Variants in CTNNA2 observed in about 807,000 individuals in gnomAD.
CTNNA2 encodes the protein catenin alpha 2, also known as catenin alpha-2.
In CTNNA2, 42 loss-of-function variants were observed where a neutral mutation model predicts 101.0. The ratio of observed to expected loss-of-function variants is 0.42; its 90% CI spans 0.32 to 0.54. The LOEUF (loss-of-function observed/expected upper bound fraction) is 0.54. Ranked by LOEUF, CTNNA2 falls within the 20% of genes least tolerant of loss-of-function variation. The probability of loss-of-function intolerance (pLI) is 0.14; values close to 1 mark genes in which losing one functional copy is unlikely to be tolerated. For synonymous variants in CTNNA2, 450 were observed against 456.4 expected (o/e 0.99, Z 0.18); for missense variants, 871 against 1,223.1 (o/e 0.71, Z 4.29).
At chr2:80,550,032 C>T (rs183282239) in intron 11 of CTNNA2, among the ~76,000 whole-genome samples, 79 of 152,272 alleles carry the variant, frequency 5.2e-4, no homozygotes, top group African/African-American at 1.9e-3. Context: ...ATGTTCATGT[C>T]TATGTAAACA....
At chr2:79,581,813 A>G (rs2103907074) in intron 1 of CTNNA2, among the ~76,000 whole-genome samples, 1 of 152,368 alleles carries the variant, frequency 6.6e-6, no homozygotes, top group Admixed American at 6.5e-5. Flanking sequence ...AGTATTTCAA[A>G]TAAATGTTTT....
At chr2:79,964,495 A>C (rs1414949602) in intron 7 of CTNNA2, among the ~76,000 whole-genome samples, 2 of 152,108 alleles carry the variant, frequency 1.3e-5, no homozygotes, top group Non-Finnish European at 2.9e-5. Flanking sequence ...GTCTTTATGA[A>C]ATTTTTCTTT....
intron 3 of CTNNA2, among the ~76,000 whole-genome samples, chr2:79,842,705 T>G (rs1679917259): frequency 6.9e-6 from 1 of 144,732 alleles, no homozygotes; most frequent in Admixed American, 6.8e-5. Flanking sequence ...TTTGGGTGTG[T>G]GTTTTTTTTT....
chr2:79,236,326 G>C (rs1344429524), intron 2 of CTNNA2, among the ~76,000 whole-genome samples: 1 of 152,134 alleles, frequency 6.6e-6, no homozygotes, highest in Admixed American at 6.6e-5. Context: ...TTAGAGACAG[G>C]TCTCACTATA....
intron 2 of CTNNA2, among the ~76,000 whole-genome samples, chr2:79,657,065 A>C (rs1681664899): frequency 6.6e-6 from 1 of 151,152 alleles, no homozygotes; most frequent in East Asian, 2.0e-4. Flanking sequence ...AAAAAAAATC[A>C]AAAGAAACTA....
chr2:79,742,857 T>C (rs1036543206), intron 2 of CTNNA2, among the ~76,000 whole-genome samples: 2 of 152,220 alleles, frequency 1.3e-5, no homozygotes, highest in Non-Finnish European at 2.9e-5. Flanking sequence ...GAGAGCCGAA[T>C]AAAACAGCTC....
chr2:80,006,092 A>G (rs1693322162), intron 7 of CTNNA2, among the ~76,000 whole-genome samples: 1 of 152,128 alleles, frequency 6.6e-6, no homozygotes, highest in African/African-American at 2.4e-5. Flanking sequence ...AAGTAGGTTT[A>G]GACTTGATAT....
At chr2:80,117,981 G>A (rs146379235) in intron 7 of CTNNA2, among the ~76,000 whole-genome samples, 13 of 152,166 alleles carry the variant, frequency 8.5e-5, no homozygotes, top group African/African-American at 2.9e-4. Flanking sequence ...GGTGACATAC[G>A]GGAAGGTTGT....
At chr2:79,305,303 T>C (rs1676209370) in intron 2 of CTNNA2, among the ~76,000 whole-genome samples, 1 of 148,904 alleles carries the variant, frequency 6.7e-6, no homozygotes, top group Non-Finnish European at 1.5e-5. Flanking sequence ...TGTATATATA[T>C]ACATATATAT....
At chr2:80,068,025 A>C (rs1191023551) in intron 7 of CTNNA2, among the ~76,000 whole-genome samples, 4 of 152,240 alleles carry the variant, frequency 2.6e-5, no homozygotes, top group Non-Finnish European at 5.9e-5. Context: ...ACTATGAGAG[A>C]TAGTAAACAT....
At chr2:80,625,112 G>A (rs1312301778) in intron 18 of CTNNA2, among the ~76,000 whole-genome samples, 1 of 151,960 alleles carries the variant, frequency 6.6e-6, no homozygotes, top group Non-Finnish European at 1.5e-5. Flanking sequence ...GTTAAATAAT[G>A]TTAAAATTAT....
chr2:79,550,599 T>C (rs145378131), intron 1 of CTNNA2, among the ~76,000 whole-genome samples: 15 of 152,362 alleles, frequency 9.8e-5, no homozygotes, highest in African/African-American at 3.4e-4. Flanking sequence ...GTTACCCCTG[T>C]TGTATGACCA....
intron 9 of CTNNA2, among the ~76,000 whole-genome samples, chr2:80,428,157 G>C (rs138522532): frequency 8.9e-4 from 136 of 152,258 alleles, no homozygotes; most frequent in Admixed American, 2.1e-3. Context: ...AAGTTTGGTA[G>C]AAAACAAAGA....
intron 7 of CTNNA2, among the ~76,000 whole-genome samples, chr2:80,038,988 G>A (rs1695854210): frequency 1.3e-5 from 2 of 152,216 alleles, no homozygotes; most frequent in Admixed American, 1.3e-4. Context: ...GAGACAGGAA[G>A]GCAGTCAGGT....
intron 7 of CTNNA2, among the ~76,000 whole-genome samples, chr2:79,980,962 A>T (rs536040630): frequency 3.3e-5 from 5 of 151,850 alleles, no homozygotes; most frequent in Non-Finnish European, 5.9e-5. Context: ...GTCTTCCTCG[A>T]TATATTCTGA....
intron 9 of CTNNA2, among the ~76,000 whole-genome samples, chr2:80,488,318 T>G (rs888318287): frequency 1.9e-4 from 29 of 151,312 alleles, no homozygotes; most frequent in African/African-American, 6.3e-4. Flanking sequence ...TTTATTTTTG[T>G]TTTTTTTCCC....
chr2:79,193,968 T>C (rs138892445), intron 1 of CTNNA2, among the ~76,000 whole-genome samples: 1 of 152,370 alleles, frequency 6.6e-6, no homozygotes, highest in East Asian at 1.9e-4. Context: ...TTTATCATTA[T>C]GATAACTTCA....
intron 1 of CTNNA2, among the ~76,000 whole-genome samples, chr2:79,571,826 A>G (rs564320701): frequency 2.6e-5 from 4 of 152,054 alleles, no homozygotes; most frequent in South Asian, 4.2e-4. Context: ...TTCTTGTTCA[A>G]TGCTTTTGGA....
intron 4 of CTNNA2, among the ~76,000 whole-genome samples, chr2:79,436,186 G>A (rs1429349695): frequency 1.3e-5 from 2 of 152,286 alleles, no homozygotes; most frequent in Non-Finnish European, 2.9e-5. Context: ...TTCTACCTGC[G>A]ATGAACTGAA....
Sources: allele counts gnomAD v4.1 joint callset (sites outside exome capture counted in the v4.1 genomes callset), GRCh38; gene constraint gnomAD v4.1.1; transcripts MANE v1.5; gene names NCBI Gene and HGNC (gene_info 2026-07-23, HGNC 2026-07-21).